PERP: variants seen among roughly 807,000 people sequenced by gnomAD.
The protein encoded by PERP is p53 apoptosis effector related to PMP22.
In PERP, 11 loss-of-function variants were observed where a neutral mutation model predicts 20.3. The observed-to-expected ratio is 0.54, with a 90% confidence interval of 0.34 to 0.90. The LOEUF (loss-of-function observed/expected upper bound fraction) is 0.90. Ranked by LOEUF, PERP falls within the 40% of genes least tolerant of loss-of-function variation. The pLI, the probability that PERP is intolerant of heterozygous loss-of-function variation, is 0.02. For synonymous variants in PERP, 101 were observed against 102.0 expected, an observed-to-expected ratio of 0.99 and a Z score of 0.06; for missense variants, 224 against 249.4, an observed-to-expected ratio of 0.90 and a Z score of 0.69.
intron 1 of PERP, among the ~76,000 whole-genome samples, chr6:138,101,596 T>C (rs1362705528): frequency 6.6e-6 from 1 of 152,020 alleles, no homozygotes; most frequent in Non-Finnish European, 1.5e-5. Context: ...CCAACCAGAG[T>C]CCAGTCCCTT....
In PERP at chr6:138,107,031, C is replaced by T. The variant is rs1775853786; in HGVS notation, c.214+96G>A. On this transcript the variant is annotated intron_variant, in intron 1 of 2. Coordinates refer to ENST00000421351, the MANE Select transcript of PERP (RefSeq NM_022121.5). This position sits in a 1 kb window ranked among gnomAD's most constrained non-coding sequence, Gnocchi z 4.8. ...GCATTCTGAAAAGCACTGGCTCCCC[C>T]GACCCTGTGAGGGCCCATCACGCGC... 7.8e-7 allele frequency: 1 copy of T among 1,278,184 alleles called. No homozygotes were observed. Among genetic ancestry groups the T allele is most frequent in the Middle Eastern group, 2.4e-4 (1 of 4,252 alleles). 79.2% of individuals were successfully genotyped at this position (1,278,184 alleles called of 1,614,324 possible).
chr6:138,096,978 A>C (rs1775703712), intron 1 of PERP, among the ~76,000 whole-genome samples: 1 of 152,224 alleles, frequency 6.6e-6, no homozygotes, highest in Non-Finnish European at 1.5e-5. Flanking sequence ...TCATTGAAAA[A>C]ATATATTTAT....
In PERP at chr6:138,089,997, G is replaced by A. The variant is rs960271137; in HGVS notation, c.*2045C>T. On this transcript the variant is annotated 3_prime_UTR_variant, in exon 3 of 3. Transcript: ENST00000421351. ...GGAGTCATTTTCATGTTTAACAGGA[G>A]ACCACGTTTCTTAATCTCTAGATAT... 6.6e-6 allele frequency: 1 copy of A among 152,148 alleles called. No homozygotes were observed. Among genetic ancestry groups the A allele is most frequent in the Non-Finnish European group, 1.5e-5 (1 of 68,028 alleles). The allele number at this position is 152,148 out of a possible 1,614,324, so 9.4% of individuals were successfully genotyped here.
chr6:138,106,903 C>CTTTTTT lies in PERP; in HGVS notation c.214+218_214+223dup, dbSNP rs577977770. Among the ~76,000 whole-genome samples the CTTTTTT allele has an allele frequency of 1.3e-3, 173 of 134,358 alleles. 4 individuals are homozygous for CTTTTTT. The highest frequency in any genetic ancestry group is 1.7e-3 in the Non-Finnish European group (108 of 64,224). 88.1% of individuals were successfully genotyped at this position (134,358 alleles called of 152,430 possible). A position where few individuals can be genotyped will look rare whatever the true frequency, so the allele number is the denominator to read the frequency against. On this transcript the variant is annotated intron_variant, in intron 1 of 2. Coordinates refer to ENST00000421351, the MANE Select transcript of PERP (RefSeq NM_022121.5). ...AAAACTATACAGTTTGAACTACGGCCTTTTTTTTTTTTCTGTTTCTGAGCT... is the reference window on the plus strand; with the variant it reads ...AAAACTATACAGTTTGAACTACGGCCTTTTTTTTTTTTTTTTTTCTGTTTCTGAGCT...
intron 1 of PERP, among the ~76,000 whole-genome samples, chr6:138,103,024 G>A (rs1157513277): frequency 1.3e-5 from 2 of 151,594 alleles, no homozygotes; most frequent in Non-Finnish European, 2.9e-5. Flanking sequence ...GTGTGAACCC[G>A]GGAGGCGGAG....
At chr6:138,105,162 T>C (rs940683315) in intron 1 of PERP, among the ~76,000 whole-genome samples, 3 of 152,126 alleles carry the variant, frequency 2.0e-5, no homozygotes, top group African/African-American at 7.2e-5. Flanking sequence ...GGCACTTAAT[T>C]AACTTTGCAA....
In PERP at chr6:138,092,100, T is replaced by C. The variant is rs558914869; in HGVS notation, c.524A>G (p.Asn175Ser). The change falls in exon 3 of 3, where the codon AAC (asparagine) becomes AGC (serine). Residue 175 changes from asparagine to serine, a missense_variant. Transcript: ENST00000421351. ...GCAFFFCCLPNYEDDLLGNAK... is the reference protein window; with the variant it reads ...GCAFFFCCLPSYEDDLLGNAK... Reference sequence around the variant, plus strand: ...ATTGCCCAGAAGGTCATCTTCGTAGTTGGGGAGGCAGCAGAAGAAGAAGGC... The same window carrying C: ...ATTGCCCAGAAGGTCATCTTCGTAGCTGGGGAGGCAGCAGAAGAAGAAGGC... 1.3e-4 allele frequency: 214 copies of C among 1,613,948 alleles called. 2 individuals are homozygous for C. In the South Asian group the frequency reaches 2.0e-3, roughly 15 times the overall value.
chr6:138,093,964 G>A (rs183661629), intron 2 of PERP, among the ~76,000 whole-genome samples: 10 of 152,240 alleles, frequency 6.6e-5, no homozygotes, highest in Non-Finnish European at 1.5e-4. Flanking sequence ...AGGTTAAGCC[G>A]ACTGTTAAGC....
chr6:138,093,387 T>C (rs1775620331), intron 2 of PERP, among the ~76,000 whole-genome samples: 1 of 152,096 alleles, frequency 6.6e-6, no homozygotes, highest in Admixed American at 6.6e-5. Context: ...CTTCTTCATT[T>C]TTTTTTTTCA....
chr6:138,105,604 A>G (rs1775829540), intron 1 of PERP, among the ~76,000 whole-genome samples: 1 of 152,212 alleles, frequency 6.6e-6, no homozygotes, highest in Non-Finnish European at 1.5e-5. Context: ...AGTTCTGCCA[A>G]TATCCCCGCC....
rs542696741 is a variant in PERP, at chr6:138,090,062, G to C, written c.*1980C>G. ...AATGAGCTGTGGTATCACTTTAAAA[G>C]ATGGGATTTTTAACATTTTTAATGA... On this transcript the variant is annotated 3_prime_UTR_variant, in exon 3 of 3. Transcript: ENST00000421351. The C allele has an allele frequency of 6.6e-6, 1 of 152,256 alleles. No homozygotes were observed. Among genetic ancestry groups the C allele is most frequent in the South Asian group, 2.1e-4 (1 of 4,812 alleles). The allele number at this position is 152,256 out of a possible 1,614,324, so 9.4% of individuals were successfully genotyped here. A position where few individuals can be genotyped will look rare whatever the true frequency, so the allele number is the denominator to read the frequency against.
chr6:138,096,567 A>G (rs1775698696), intron 1 of PERP, 73 bp from the exon 2 acceptor site: 2 of 1,489,626 alleles, frequency 1.3e-6, no homozygotes, highest in South Asian at 2.8e-5. Context: ...CACAGTATCA[A>G]CATGGTTTTG....
At chr6:138,101,621 T>C (rs1364169428) in intron 1 of PERP, among the ~76,000 whole-genome samples, 1 of 152,140 alleles carries the variant, frequency 6.6e-6, no homozygotes, top group Non-Finnish European at 1.5e-5. Flanking sequence ...GAATACAGGA[T>C]TCATCTGTCA....
chr6:138,097,954 A>G (rs912107344), intron 1 of PERP, among the ~76,000 whole-genome samples: 4 of 151,978 alleles, frequency 2.6e-5, no homozygotes, highest in African/African-American at 7.3e-5. Flanking sequence ...CTGTCTCTAT[A>G]CCTTTGCCGA....
intron 2 of PERP, among the ~76,000 whole-genome samples, chr6:138,093,624 A>G (rs1477050192): frequency 2.0e-5 from 3 of 152,136 alleles, no homozygotes; most frequent in Non-Finnish European, 4.4e-5. Context: ...GTTGACTTCT[A>G]ATTTTCTTAG....
At chr6:138,102,872 G>A (rs946025886) in intron 1 of PERP, among the ~76,000 whole-genome samples, 1 of 152,002 alleles carries the variant, frequency 6.6e-6, no homozygotes, top group Admixed American at 6.5e-5. Flanking sequence ...GGCCGAGGTG[G>A]GCGGATCACG....
rs543700827 is a variant in PERP, at chr6:138,089,612, A to G, written c.*2430T>C. The G allele has an allele frequency of 1.6e-4, 25 of 152,290 alleles. No individual in the cohort carries two copies. The highest frequency in any genetic ancestry group is 5.1e-4 in the African/African-American group (21 of 41,562). The allele number at this position is 152,290 out of a possible 1,614,324, so 9.4% of individuals were successfully genotyped here. ...TACTGTGGGAAATCTCATGCAATGC[A>G]CTGTTAGCCTTCAGGTGGTTTCTCA... On this transcript the variant is annotated 3_prime_UTR_variant, in exon 3 of 3. Transcript: ENST00000421351.
Position 138,088,561 on chromosome 6 carries a change from C to G in PERP, c.*3481G>C, listed in dbSNP as rs112594827. 1 of 152,168 alleles carries G rather than the reference C, an allele frequency of 6.6e-6. No individual in the cohort carries two copies. Among genetic ancestry groups the G allele is most frequent in the African/African-American group, 2.4e-5 (1 of 41,450 alleles). 9.4% of individuals were successfully genotyped at this position (152,168 alleles called of 1,614,324 possible). ...CAAAGTATGTTTTCGAGGTTAACAA[C>G]GAAGCACAGGATAGTACAAGTGGAA... On this transcript the variant is annotated 3_prime_UTR_variant, in exon 3 of 3. Transcript: ENST00000421351.
At position 138,096,420 on chromosome 6, in the gene PERP, A is replaced by C; in HGVS notation, c.289T>G (p.Phe97Val). 1 of 1,614,120 alleles carries C rather than the reference A, an allele frequency of 6.2e-7. No homozygotes were observed. Among genetic ancestry groups the C allele is most frequent in the Non-Finnish European group, 8.5e-7 (1 of 1,180,012 alleles). Residue 97 changes from phenylalanine (F) to valine (V), a missense_variant, in exon 2 of 3, where the codon TTC becomes GTC. By Grantham distance (50) the Phe-to-Val change is conservative. Transcript: ENST00000421351. ...AGCATCTGGGGTCCACAGAGGGCGA[A>C]GAAGGAGAGGATGAAACAGATCACC... Reference protein sequence around the residue: ...ILVICFILSFFALCGPQMLVF... With the variant: ...ILVICFILSFVALCGPQMLVF...
Sources: allele counts gnomAD v4.1 joint callset (sites outside exome capture counted in the v4.1 genomes callset), GRCh38; gene constraint gnomAD v4.1.1; non-coding constraint Gnocchi (gnomAD v3.1); transcripts MANE v1.5; gene names NCBI Gene and HGNC (gene_info 2026-07-23, HGNC 2026-07-21).